Variants in TRPV6 observed in about 807,000 individuals in gnomAD.
TRPV6 encodes the protein transient receptor potential cation channel subfamily V member 6, also known as Alu-binding protein with zinc finger domain.
A neutral mutation model predicts 79.0 loss-of-function variants in TRPV6; 39 were observed. That is an observed-to-expected ratio of 0.49 (90% confidence interval 0.38 to 0.64). TRPV6 has a LOEUF of 0.64. Among genes scored for constraint, TRPV6 ranks in the 30% least tolerant of loss-of-function variants. The pLI, the probability that TRPV6 is intolerant of heterozygous loss-of-function variation, is 0.00. For synonymous variants in TRPV6, 373 were observed against 391.9 expected (o/e 0.95, Z 0.57); for missense variants, 813 against 1,011.1 (o/e 0.80, Z 2.66).
At position 142,871,659 on chromosome 7, in the gene TRPV6, C is replaced by T; in HGVS notation, c.*48G>A. The T allele has an allele frequency of 6.5e-7, 1 of 1,541,156 alleles. No homozygotes were observed. Among genetic ancestry groups the T allele is most frequent in the Non-Finnish European group, 8.8e-7 (1 of 1,142,018 alleles). The stretch of plus-strand genomic sequence containing the variant: ...TTTGGTTTTTGTTTTGTTTGATGCA[C>T]CCAGGAAAATGAGAGCAAGTTCCAG... On this transcript the variant is annotated 3_prime_UTR_variant, in exon 15 of 15. Coordinates refer to ENST00000359396, the MANE Select transcript of TRPV6 (RefSeq NM_018646.6).
In TRPV6 at chr7:142,874,072, T is replaced by C; in HGVS notation, c.1639+4A>G. On this transcript the variant is annotated splice_donor_region_variant and intron_variant, in intron 12 of 14. Transcript: ENST00000359396. ...ATGGCCCCTGGTCCTGGACAGATGA[T>C]TACCTGAAGCAAAGCCCAGGATGAC... 2 of 1,613,288 alleles carry C rather than the reference T, an allele frequency of 1.2e-6. No individual in the cohort carries two copies. The highest frequency in any genetic ancestry group is 1.1e-5 in the South Asian group (1 of 90,872).
chr7:142,883,523 A>G (rs572525141), intron 1 of TRPV6: 1 of 152,158 alleles, frequency 6.6e-6, no homozygotes, highest in East Asian at 1.9e-4. Flanking sequence ...CCCACCTTCC[A>G]TTATTGTTAC....
Position 142,874,574 on chromosome 7 carries a change from C to T in TRPV6, c.1489G>A (p.Ala497Thr). ...ACGTTGCACCAGCCCAGCACGAGTG[C>T]AAAGGACATGGGTACCACCTCCCCG... Residue 497 changes from alanine (A) to threonine (T), a missense_variant, in exon 11 of 15, where the codon GCA becomes ACA. This residue lies in a region of TRPV6 where 94 missense variants were observed against 194.0 expected (regional missense o/e 0.48). Transcript: ENST00000359396. 6.2e-7 allele frequency: 1 copy of T among 1,614,092 alleles called. No individual in the cohort carries two copies.
At chr7:142,881,080 T>G (rs1795181813) in intron 1 of TRPV6, 1 of 152,038 alleles carries the variant, frequency 6.6e-6, no homozygotes, top group Non-Finnish European at 1.5e-5. Flanking sequence ...TGCAATAACC[T>G]CATATGCCCA....
At chr7:142,880,602 T>C (rs1356246565) in intron 1 of TRPV6, 1 of 151,690 alleles carries the variant, frequency 6.6e-6, no homozygotes, top group Non-Finnish European at 1.5e-5. Flanking sequence ...GTATAGTCAG[T>C]GGCAGGCTCA....
intron 1 of TRPV6, 54 bp from the exon 2 acceptor site, chr7:142,878,080 A>C: frequency 6.8e-7 from 1 of 1,478,520 alleles, no homozygotes. Context: ...CTAGTTGTGG[A>C]GGGAGAGGCC....
rs1055459497 is a variant in TRPV6 at position 142,876,773 on chromosome 7, C to T, written c.672G>A (p.Glu224=). The change falls in exon 5 of 15, where the codon GAG becomes GAA. Residue 224 remains glutamate (E), a synonymous_variant. Transcript: ENST00000359396. ...CCTGGGCCCGGATGTCAGCTCCATG[C>T]TCAATGAGCAGCCGCACGATCTCCT... 6.2e-7 allele frequency: 1 copy of T among 1,614,156 alleles called. No individual in the cohort carries two copies. The highest frequency in any genetic ancestry group is 8.5e-7 in the Non-Finnish European group (1 of 1,180,026).
chr7:142,880,803 T>C (rs1199771960), intron 1 of TRPV6: 1 of 152,240 alleles, frequency 6.6e-6, no homozygotes, highest in Non-Finnish European at 1.5e-5. Context: ...GCACAATTTT[T>C]TTTTAGTATA....
In TRPV6 at chr7:142,871,998, T is replaced by C; in HGVS notation, c.2016-9A>G. On this transcript the variant is annotated splice_polypyrimidine_tract_variant and intron_variant, in intron 14 of 14. Coordinates refer to ENST00000359396, the MANE Select transcript of TRPV6 (RefSeq NM_018646.6). ...CTTGCCTGTCTTCCACCCTGTGGAATGCGGGAGGACTTGAGACACAGCCAG... is the reference window on the plus strand; with the variant it reads ...CTTGCCTGTCTTCCACCCTGTGGAACGCGGGAGGACTTGAGACACAGCCAG... 2 of 1,573,294 alleles carry C rather than the reference T, an allele frequency of 1.3e-6. No individual in the cohort carries two copies. Among genetic ancestry groups the C allele is most frequent in the Non-Finnish European group, 1.7e-6 (2 of 1,158,396 alleles).
intron 14 of TRPV6, 124 bp from the exon 15 acceptor site, chr7:142,872,113 G>T: frequency 1.5e-6 from 2 of 1,355,448 alleles, no homozygotes; most frequent in Non-Finnish European, 2.0e-6. Flanking sequence ...CTTTTCTGCA[G>T]CCATGGTGGA....
At chr7:142,874,353 TA>T in intron 11 of TRPV6, 137 bp downstream of exon 11, 3 of 1,301,784 alleles carry the variant, frequency 2.3e-6, no homozygotes, top group African/African-American at 1.5e-5. Context: ...AAAGGATTGT[TA>T]AAAAAGAAGA....
In TRPV6 at chr7:142,875,691, A is replaced by C; in HGVS notation, c.1030-11T>G. On this transcript the variant is annotated splice_polypyrimidine_tract_variant and intron_variant, in intron 7 of 14. Coordinates refer to ENST00000359396, the MANE Select transcript of TRPV6 (RefSeq NM_018646.6). ...CAGGATCTGGCGAGCCTGCAACAGA[A>C]AGAGAACAGGTGGCTCAGAGACCCT... 12 of 1,609,102 alleles carry C rather than the reference A, an allele frequency of 7.5e-6. No individual in the cohort carries two copies. Among genetic ancestry groups the C allele is most frequent in the Non-Finnish European group, 1.0e-5 (12 of 1,177,442 alleles).
rs1273161328 is a variant in TRPV6 at position 142,876,030 on chromosome 7, G to A, written c.883-126C>T. ...TGGCTGCCCTTTCATTTTGATGACA[G>A]CCTTTAGAGGGCAGAAGAACCCACA... On this transcript the variant is annotated intron_variant, in intron 6 of 14. Transcript: ENST00000359396. The A allele has an allele frequency of 4.7e-6, 5 of 1,067,688 alleles. No homozygotes were observed. In the Admixed American group the frequency reaches 7.6e-5, roughly 16 times the overall value. 66.1% of individuals were successfully genotyped at this position (1,067,688 alleles called of 1,614,324 possible). A position where few individuals can be genotyped will look rare whatever the true frequency, so the allele number is the denominator to read the frequency against.
chr7:142,875,459 G>C lies in TRPV6; in HGVS notation c.1242+9C>G. 2 of 1,559,128 alleles carry C rather than the reference G, an allele frequency of 1.3e-6. No homozygotes were observed. The highest frequency in any genetic ancestry group is 1.7e-6 in the Non-Finnish European group (2 of 1,155,488). ...CTGCCCTGCTGATCTGCTCCTACAA[G>C]GGTGTCACCTGAAGTAGCTTCTGCT... is the stretch of plus-strand genomic sequence containing the variant. On this transcript the variant is annotated intron_variant, in intron 8 of 14. Coordinates refer to ENST00000359396, the MANE Select transcript of TRPV6 (RefSeq NM_018646.6).
intron 14 of TRPV6, 32 bp downstream of exon 14, chr7:142,872,340 T>C: frequency 6.2e-7 from 1 of 1,610,000 alleles, no homozygotes; most frequent in South Asian, 1.1e-5. Context: ...ATGAGGCTTC[T>C]CAGGGGACAC....
Position 142,883,018 on chromosome 7 carries a change from G to A in TRPV6, c.248+2371C>T, listed in dbSNP as rs925195840. On this transcript the variant is annotated intron_variant, in intron 1 of 14. Transcript: ENST00000359396. ...CAGAACACTCATTTACACCCTTCTA[G>A]TGATGTCTACTAAGCCCATCTTTAG... 5.3e-5 allele frequency: 8 copies of A among 152,248 alleles called. No homozygotes were observed. The South Asian group carries it at 1.2e-3, about 24-fold the overall frequency. 9.4% of individuals were successfully genotyped at this position (152,248 alleles called of 1,614,324 possible).
Position 142,877,920 on chromosome 7 carries a change from GCTT to G in TRPV6, c.346+6_346+8del. The G allele has an allele frequency of 6.2e-7, 1 of 1,614,112 alleles. No individual in the cohort carries two copies. The highest frequency in any genetic ancestry group is 1.3e-5 in the African/African-American group (1 of 75,046). ...ACCTAGGAGATCATGCTGCATTTGT[GCTT>G]CTTACCTCTCTGGTGCACCTTGCAA... On this transcript the variant is annotated splice_donor_region_variant and intron_variant, in intron 2 of 14. Coordinates refer to ENST00000359396, the MANE Select transcript of TRPV6 (RefSeq NM_018646.6).
intron 3 of TRPV6, 84 bp from the exon 4 acceptor site, chr7:142,877,363 C>A: frequency 1.3e-6 from 2 of 1,571,120 alleles, no homozygotes; most frequent in Non-Finnish European, 1.7e-6. Context: ...AGTCTCTTTC[C>A]CTCAGGGGTA....
In TRPV6 at chr7:142,885,432, A is replaced by AG. The variant is rs1795284927; in HGVS notation, c.204dup (p.Trp69LeufsTer7). ...TTCTGCTCATCTCGGCTCTGGGCCC[A>AG]GGACTCCCGTCTCTGGAACCATCTG... On this transcript the variant is annotated frameshift_variant, in exon 1 of 15. Coordinates refer to ENST00000359396, the MANE Select transcript of TRPV6 (RefSeq NM_018646.6). LOFTEE classifies it high-confidence loss of function. The AG allele has an allele frequency of 6.2e-7, 1 of 1,613,742 alleles. No individual in the cohort carries two copies. Among genetic ancestry groups the AG allele is most frequent in the Non-Finnish European group, 8.5e-7 (1 of 1,179,860 alleles).
Sources: allele counts gnomAD v4.1 joint callset, GRCh38; gene constraint gnomAD v4.1.1; regional missense constraint gnomAD v4.1.1; transcripts MANE v1.5; gene names NCBI Gene and HGNC (gene_info 2026-07-23, HGNC 2026-07-21).